ZNF536: variants seen among roughly 807,000 people sequenced by gnomAD.
The protein encoded by ZNF536 is zinc finger protein 536.
In ZNF536, 13 loss-of-function variants were observed where a neutral mutation model predicts 84.5. The observed-to-expected ratio is 0.15, with a 90% confidence interval of 0.10 to 0.24. The LOEUF (loss-of-function observed/expected upper bound fraction) is 0.24. Among genes scored for constraint, ZNF536 ranks in the 10% least tolerant of loss-of-function variants. ZNF536 has a pLI of 1.00. For synonymous variants in ZNF536, 811 were observed against 742.5 expected (o/e 1.09, Z -1.50); for missense variants, 1,536 against 1,747.5 (o/e 0.88, Z 2.16).
At chr19:30,612,461 C>G (rs1487729916) in intron 1 of ZNF536, among the ~76,000 whole-genome samples, 2 of 152,142 alleles carry the variant, frequency 1.3e-5, no homozygotes, top group African/African-American at 4.8e-5. Flanking sequence ...ACTGAGGTCT[C>G]TGGATATGGA....
chr19:30,566,891 C>T (rs1028158823), intron 1 of ZNF536, among the ~76,000 whole-genome samples: 3 of 151,724 alleles, frequency 2.0e-5, no homozygotes, highest in Non-Finnish European at 4.4e-5. Context: ...AGTGGCTTGT[C>T]CAGGTAGTGA....
At chr19:30,292,320 G>GTTTTTT (rs61202726) in intron 2 of ZNF536, among the ~76,000 whole-genome samples, 1 of 144,408 alleles carries the variant, frequency 6.9e-6, no homozygotes. Flanking sequence ...CTAGGGAACT[G>GTTTTTT]TTTTTTTTTT....
At chr19:30,670,283 A>G (rs949189721) in intron 1 of ZNF536, among the ~76,000 whole-genome samples, 1 of 152,050 alleles carries the variant, frequency 6.6e-6, no homozygotes, top group Non-Finnish European at 1.5e-5. Flanking sequence ...CGCTTAGTGC[A>G]CTGGGATCAG....
intron 1 of ZNF536, among the ~76,000 whole-genome samples, chr19:30,269,242 A>C (rs988971206): frequency 2.6e-5 from 4 of 152,164 alleles, no homozygotes; most frequent in African/African-American, 9.7e-5. Context: ...CCCTGCACAG[A>C]TCTGTACAAG....
chr19:30,234,773 A>T (rs3081817), intron 1 of ZNF536, among the ~76,000 whole-genome samples: 21 of 149,884 alleles, frequency 1.4e-4, no homozygotes, highest in Non-Finnish European at 2.4e-4. Flanking sequence ...ACACACACAC[A>T]CGCGCACACG....
chr19:30,545,385 CTTTTTTT>C (rs772761287), intron 3 of ZNF536, among the ~76,000 whole-genome samples: 16 of 67,672 alleles, frequency 2.4e-4, no homozygotes, highest in Non-Finnish European at 3.1e-4. Context: ...TCCCATATGT[CTTTTTTT>C]TTTTTTTTTT....
At chr19:30,492,776 C>T (rs1265644976) in intron 2 of ZNF536, among the ~76,000 whole-genome samples, 4 of 152,112 alleles carry the variant, frequency 2.6e-5, no homozygotes, top group South Asian at 2.1e-4. Context: ...CCTTTAAATG[C>T]GGTGGAGATA....
At chr19:30,483,886 G>A (rs1227877043) in intron 2 of ZNF536, among the ~76,000 whole-genome samples, 1 of 151,952 alleles carries the variant, frequency 6.6e-6, no homozygotes, top group Non-Finnish European at 1.5e-5. Flanking sequence ...CTGGGGTGGG[G>A]GTCTGACTCC....
At chr19:30,647,312 T>C (rs1391183442) in intron 1 of ZNF536, among the ~76,000 whole-genome samples, 1 of 152,234 alleles carries the variant, frequency 6.6e-6, no homozygotes, top group East Asian at 1.9e-4. Flanking sequence ...TTATTAAATA[T>C]AGGTGTTGCA....
intron 1 of ZNF536, among the ~76,000 whole-genome samples, chr19:30,662,512 T>G (rs1158523521): frequency 6.6e-6 from 1 of 152,166 alleles, no homozygotes; most frequent in Non-Finnish European, 1.5e-5. Flanking sequence ...TGAAAAGAAT[T>G]GTGGACTGCA....
chr19:30,431,261 G>C (rs902920696), intron 1 of ZNF536, among the ~76,000 whole-genome samples: 4 of 152,134 alleles, frequency 2.6e-5, no homozygotes, highest in African/African-American at 9.7e-5. Flanking sequence ...CCCGGCAGAG[G>C]CTGGGCCAGT....
chr19:30,450,232 C>T (rs1214503963), intron 2 of ZNF536, among the ~76,000 whole-genome samples: 1 of 152,144 alleles, frequency 6.6e-6, no homozygotes, highest in African/African-American at 2.4e-5. Context: ...AGGTCATTAT[C>T]ATTCGCTGGT....
chr19:30,578,099 C>T (rs1208194123), intron 1 of ZNF536, among the ~76,000 whole-genome samples: 1 of 152,218 alleles, frequency 6.6e-6, no homozygotes, highest in African/African-American at 2.4e-5. Flanking sequence ...TTACTTCACC[C>T]ACCCTGTATC....
At chr19:30,407,165 T>C (rs1303364867) in intron 1 of ZNF536, among the ~76,000 whole-genome samples, 2 of 152,196 alleles carry the variant, frequency 1.3e-5, no homozygotes, top group Non-Finnish European at 2.9e-5. Flanking sequence ...ACCTACCCTG[T>C]CCTGTGTGGC....
intron 1 of ZNF536, among the ~76,000 whole-genome samples, chr19:30,383,756 TC>T (rs1568376905): frequency 5.3e-3 from 36 of 6,766 alleles, no homozygotes; most frequent in Middle Eastern, 0.05. Context: ...TTTCTTTCTT[TC>T]TCTTTCTTTC....
At chr19:30,325,788 A>G (rs2047003338) in intron 2 of ZNF536, among the ~76,000 whole-genome samples, 1 of 152,060 alleles carries the variant, frequency 6.6e-6, no homozygotes. Flanking sequence ...ACTGCTGAGT[A>G]CCTCCAGATG....
At chr19:30,229,502 C>A (rs1442122409) in intron 1 of ZNF536, among the ~76,000 whole-genome samples, 3 of 152,170 alleles carry the variant, frequency 2.0e-5, no homozygotes, top group Admixed American at 1.3e-4. Flanking sequence ...AACCCTAGTT[C>A]TTGTTTGCCG....
At chr19:30,547,686 C>T (rs1426446173) in intron 3 of ZNF536, among the ~76,000 whole-genome samples, 2 of 151,978 alleles carry the variant, frequency 1.3e-5, no homozygotes, top group Non-Finnish European at 2.9e-5. Context: ...AATCTACAGC[C>T]GTTTTCACAT....
chr19:30,526,488 G>A (rs1046434873), intron 2 of ZNF536, among the ~76,000 whole-genome samples: 6 of 149,496 alleles, frequency 4.0e-5, no homozygotes, highest in Admixed American at 6.7e-5. Context: ...ACTTTGGGAG[G>A]CCGAGGCGGG....
Sources: gnomAD v4.1 joint callset for allele counts (sites outside exome capture counted in the v4.1 genomes callset) on GRCh38, gnomAD v4.1.1 for gene constraint, MANE v1.5 for transcripts, NCBI Gene and HGNC (gene_info 2026-07-23, HGNC 2026-07-21) for gene names.